The following LRMDA variants were observed in gnomAD, a reference collection of about 807,000 sequenced individuals.
The protein encoded by LRMDA is leucine rich melanocyte differentiation associated.
A neutral mutation model predicts 29.8 loss-of-function variants in LRMDA; 18 were observed. That is an observed-to-expected ratio of 0.60 (90% CI 0.42 to 0.90). LRMDA has a LOEUF of 0.90. Ranked by LOEUF, LRMDA falls within the 40% of genes least tolerant of loss-of-function variation. LRMDA has a pLI of 0.00. For missense variants in LRMDA, 273 were observed against 273.9 expected (o/e 1.00, Z 0.02); for synonymous variants, 125 against 109.4 (o/e 1.14, Z -0.89).
intron 2 of LRMDA, among the ~76,000 whole-genome samples, chr10:75,594,468 G>A (rs934790246): frequency 6.6e-6 from 1 of 152,206 alleles, no homozygotes; most frequent in Non-Finnish European, 1.5e-5. Flanking sequence ...ATATTTCAAA[G>A]TGCTGCCTTT....
At chr10:76,359,631 T>A (rs1444256094) in intron 6 of LRMDA, among the ~76,000 whole-genome samples, 1 of 152,162 alleles carries the variant, frequency 6.6e-6, no homozygotes, top group African/African-American at 2.4e-5. Context: ...GATCAAGAAT[T>A]GAAGAGATCC....
chr10:75,905,236 CTTT>C (rs200409197), intron 2 of LRMDA, among the ~76,000 whole-genome samples: 7,445 of 132,958 alleles, frequency 0.056, 417 homozygotes, highest in East Asian at 0.3. Context: ...TCTCCTGCCT[CTTT>C]TTTTTTTTTT....
intron 2 of LRMDA, among the ~76,000 whole-genome samples, chr10:75,565,577 A>T (rs1840361051): frequency 6.6e-6 from 1 of 151,526 alleles, no homozygotes; most frequent in African/African-American, 2.4e-5. Flanking sequence ...GTGCTGAAGT[A>T]TGCGAGAGAA....
At chr10:75,977,539 G>A (rs1174778147) in intron 2 of LRMDA, among the ~76,000 whole-genome samples, 2 of 152,104 alleles carry the variant, frequency 1.3e-5, no homozygotes, top group Non-Finnish European at 2.9e-5. Context: ...TTTTCCACAC[G>A]CAAAATAAAT....
At chr10:75,594,527 T>C (rs1840762623) in intron 2 of LRMDA, among the ~76,000 whole-genome samples, 2 of 152,184 alleles carry the variant, frequency 1.3e-5, no homozygotes, top group Non-Finnish European at 2.9e-5. Flanking sequence ...AAAATACACA[T>C]AAGGCATCAT....
chr10:75,582,647 G>C (rs1840609105), intron 2 of LRMDA, among the ~76,000 whole-genome samples: 1 of 152,284 alleles, frequency 6.6e-6, no homozygotes, highest in Non-Finnish European at 1.5e-5. Context: ...CCATTGTTTT[G>C]GTGATTAGCA....
intron 5 of LRMDA, among the ~76,000 whole-genome samples, chr10:76,267,917 T>A (rs1840025329): frequency 6.6e-6 from 1 of 152,238 alleles, no homozygotes. Context: ...TATTTTGTCC[T>A]AATTAATGTT....
At chr10:76,374,978 G>A (rs1216328578) in intron 6 of LRMDA, among the ~76,000 whole-genome samples, 1 of 152,128 alleles carries the variant, frequency 6.6e-6, no homozygotes, top group Admixed American at 6.6e-5. Flanking sequence ...CTAAAAACAA[G>A]CTAGATTTAG....
chr10:75,574,012 A>G (rs1161705301), intron 2 of LRMDA, among the ~76,000 whole-genome samples: 1 of 151,942 alleles, frequency 6.6e-6, no homozygotes, highest in Non-Finnish European at 1.5e-5. Context: ...CAGAGGCATG[A>G]GAAACAGCAT....
At chr10:76,231,300 A>G (rs1452981005) in intron 5 of LRMDA, among the ~76,000 whole-genome samples, 4 of 152,220 alleles carry the variant, frequency 2.6e-5, no homozygotes, top group African/African-American at 4.8e-5. Context: ...AGACATGACA[A>G]TAGATACTGC....
chr10:76,267,577 C>T (rs56102511), intron 5 of LRMDA, among the ~76,000 whole-genome samples: 20,961 of 152,136 alleles, frequency 0.14, 1,853 homozygotes, highest in Non-Finnish European at 0.21. Flanking sequence ...CAATATCTGT[C>T]CTTTTATGCC....
chr10:76,243,997 G>A (rs1221003335), intron 5 of LRMDA, among the ~76,000 whole-genome samples: 2 of 152,198 alleles, frequency 1.3e-5, no homozygotes, highest in Non-Finnish European at 2.9e-5. Flanking sequence ...TAATGGAGAA[G>A]AGATATGAAG....
At chr10:75,861,732 G>C (rs1844933738) in intron 2 of LRMDA, among the ~76,000 whole-genome samples, 1 of 152,188 alleles carries the variant, frequency 6.6e-6, no homozygotes, top group Non-Finnish European at 1.5e-5. Flanking sequence ...GATTCTTACT[G>C]TGGTGGCCCC....
intron 2 of LRMDA, among the ~76,000 whole-genome samples, chr10:75,764,921 A>G (rs1166537191): frequency 7.0e-6 from 1 of 143,808 alleles, no homozygotes; most frequent in Non-Finnish European, 1.5e-5. Context: ...CCTCCCTGCA[A>G]GAGACACGTG....
chr10:75,732,468 T>C lies in LRMDA; in HGVS notation c.131+293974T>C, dbSNP rs80157342. Among the ~76,000 whole-genome samples the C allele has an allele frequency of 9.6e-3, 1,467 of 152,354 alleles. 23 individuals carry two copies. The highest frequency in any genetic ancestry group is 0.033 in the African/African-American group (1,389 of 41,578). On this transcript the variant is annotated intron_variant, in intron 2 of 6. Transcript: ENST00000611255. ...AAATAAAATATGCTCTGTTCTTTTA[T>C]CACGACAGATATACTTTTGTTAATG...
At chr10:75,697,682 C>T (rs904588263) in intron 2 of LRMDA, among the ~76,000 whole-genome samples, 1 of 152,032 alleles carries the variant, frequency 6.6e-6, no homozygotes, top group Admixed American at 6.6e-5. Flanking sequence ...TTTTAAGGAC[C>T]TTATCAGCTC....
At chr10:75,745,899 G>A (rs900740513) in intron 2 of LRMDA, among the ~76,000 whole-genome samples, 2 of 152,202 alleles carry the variant, frequency 1.3e-5, no homozygotes, top group Non-Finnish European at 2.9e-5. Flanking sequence ...TTCATATGAT[G>A]TGTTATTTCA....
chr10:75,474,407 A>ATAGATGG (rs930790578), intron 2 of LRMDA, among the ~76,000 whole-genome samples: 23 of 152,238 alleles, frequency 1.5e-4, no homozygotes, highest in Non-Finnish European at 5.9e-5. Flanking sequence ...CTGGTTTCTC[A>ATAGATGG]TAGATGGCTG....
chr10:76,440,532 TA>T (rs1842291057), intron 6 of LRMDA, among the ~76,000 whole-genome samples: 1 of 92,804 alleles, frequency 1.1e-5, no homozygotes. Flanking sequence ...ACAAGGCAAT[TA>T]ACTTCACTTA....
Sources: allele counts gnomAD v4.1 joint callset (sites outside exome capture counted in the v4.1 genomes callset), GRCh38; gene constraint gnomAD v4.1.1; transcripts MANE v1.5; gene names NCBI Gene and HGNC (gene_info 2026-07-23, HGNC 2026-07-21).